ZMAT5: variants seen among roughly 807,000 people sequenced by gnomAD.
The protein encoded by ZMAT5 is zinc finger matrin-type 5.
Under a neutral mutation model 28.0 loss-of-function variants are expected in ZMAT5, and 23 were observed. The observed-to-expected ratio is 0.82, with a 90% confidence interval of 0.59 to 1.16. The LOEUF (loss-of-function observed/expected upper bound fraction) is 1.16. ZMAT5 is among the 50% of genes most tolerant of loss of function. The pLI, the probability that ZMAT5 is intolerant of heterozygous loss-of-function variation, is 0.00. For synonymous variants in ZMAT5, 76 were observed against 84.1 expected, an observed-to-expected ratio of 0.90 and a Z score of 0.52; for missense variants, 173 against 212.7, an observed-to-expected ratio of 0.81 and a Z score of 1.16.
intron 5 of ZMAT5, among the ~76,000 whole-genome samples, chr22:29,733,853 C>T (rs969549306): frequency 6.6e-6 from 1 of 152,238 alleles, no homozygotes; most frequent in African/African-American, 2.4e-5. Flanking sequence ...CAGGCATACC[C>T]AGTGCCTGCT....
At chr22:29,744,476 G>T (rs929399198) in intron 2 of ZMAT5, among the ~76,000 whole-genome samples, 3 of 151,996 alleles carry the variant, frequency 2.0e-5, no homozygotes, top group Admixed American at 6.6e-5. Context: ...ATCTGTTAGC[G>T]CCGGGCTTGT....
At chr22:29,759,276 G>T (rs780156313) in intron 1 of ZMAT5, among the ~76,000 whole-genome samples, 1 of 152,074 alleles carries the variant, frequency 6.6e-6, no homozygotes, top group Admixed American at 6.6e-5. Context: ...CTTCTCTCCC[G>T]AGTCTGGGCA....
intron 1 of ZMAT5, among the ~76,000 whole-genome samples, chr22:29,763,335 G>A (rs1197586442): frequency 8.8e-6 from 1 of 113,732 alleles, no homozygotes; most frequent in East Asian, 3.2e-4. Flanking sequence ...CAGGTGCGGT[G>A]GCTCACACCT....
intron 1 of ZMAT5, 108 bp from the exon 2 acceptor site, chr22:29,748,679 T>G: frequency 7.2e-7 from 1 of 1,387,258 alleles, no homozygotes; most frequent in Non-Finnish European, 9.8e-7. Context: ...TTTACTCATA[T>G]GCACCCCGCC....
intron 4 of ZMAT5, among the ~76,000 whole-genome samples, chr22:29,740,301 A>G (rs547661995): frequency 6.6e-6 from 1 of 152,116 alleles, no homozygotes; most frequent in African/African-American, 2.4e-5. Flanking sequence ...CTTGGTGCCA[A>G]GTGGGGACTG....
At chr22:29,736,647 G>C (rs2067906982) in intron 5 of ZMAT5, among the ~76,000 whole-genome samples, 1 of 148,480 alleles carries the variant, frequency 6.7e-6, no homozygotes, top group Non-Finnish European at 1.5e-5. Context: ...TTGAACCCAG[G>C]AGGCGGAGGT....
At chr22:29,750,665 GA>G (rs2068048013) in intron 1 of ZMAT5, among the ~76,000 whole-genome samples, 1 of 152,196 alleles carries the variant, frequency 6.6e-6, no homozygotes, top group African/African-American at 2.4e-5. Flanking sequence ...TCACTTCACA[GA>G]AAAGGTTCCT....
At chr22:29,733,058 T>C (rs929701007) in intron 5 of ZMAT5, among the ~76,000 whole-genome samples, 11 of 152,188 alleles carry the variant, frequency 7.2e-5, no homozygotes, top group Non-Finnish European at 1.6e-4. Context: ...CCCCATTTTA[T>C]AGATGAGGAA....
At chr22:29,748,046 G>A (rs1330017882) in intron 2 of ZMAT5, 2 of 343,724 alleles carry the variant, frequency 5.8e-6, no homozygotes, top group South Asian at 2.4e-5. Context: ...ATTCTCCCCT[G>A]GCCTGCTCCG....
intron 1 of ZMAT5, among the ~76,000 whole-genome samples, chr22:29,753,892 G>C (rs1030472104): frequency 1.3e-5 from 2 of 152,034 alleles, no homozygotes; most frequent in Non-Finnish European, 2.9e-5. Context: ...TAGAGCTCCT[G>C]AACCAAATGC....
rs148129729 is a variant in ZMAT5 at position 29,732,894 on chromosome 22, T to C, written c.384-1540A>G. 7.3e-3 allele frequency among the ~76,000 whole-genome samples: 1,107 copies of C among 152,028 alleles called. 11 individuals are homozygous for C. The highest frequency in any genetic ancestry group is 0.025 in the African/African-American group (1,052 of 41,472). On this transcript the variant is annotated intron_variant, in intron 5 of 5. Coordinates refer to ENST00000344318, the MANE Select transcript of ZMAT5 (RefSeq NM_001003692.2). ...TGTAGACCAGGGGATAGGGGTAAGG[T>C]GTATTTGTACCCCAAGGCGCAGGGC... is the stretch of plus-strand genomic sequence containing the variant.
At chr22:29,753,266 C>A (rs939119340) in intron 1 of ZMAT5, among the ~76,000 whole-genome samples, 1 of 152,222 alleles carries the variant, frequency 6.6e-6, no homozygotes, top group Non-Finnish European at 1.5e-5. Flanking sequence ...GTGGCTCACG[C>A]CCATAATCCC....
rs2232899 is a variant in ZMAT5 at position 29,740,759 on chromosome 22, G to C, written c.191-29C>G. On this transcript the variant is annotated intron_variant, in intron 3 of 5. Coordinates refer to ENST00000344318, the MANE Select transcript of ZMAT5 (RefSeq NM_001003692.2). ...CAGCAGGAAGACAGAGTTACTCGCTGCTCGGGAGGGGCTCCCCACAGGGGC... is the reference window on the plus strand; with the variant it reads ...CAGCAGGAAGACAGAGTTACTCGCTCCTCGGGAGGGGCTCCCCACAGGGGC... 891 of 1,566,848 alleles carry C rather than the reference G, an allele frequency of 5.7e-4. 4 individuals are homozygous for C. In the African/African-American group the frequency reaches 0.011, roughly 19 times the overall value.
chr22:29,734,445 G>C (rs530493032), intron 5 of ZMAT5, among the ~76,000 whole-genome samples: 29 of 152,190 alleles, frequency 1.9e-4, no homozygotes, highest in Non-Finnish European at 3.4e-4. Context: ...AGGAAGAGGG[G>C]GTCCCCCAGG....
At chr22:29,753,070 CTCTGCAT>C (rs1569339422) in intron 1 of ZMAT5, among the ~76,000 whole-genome samples, 1 of 152,098 alleles carries the variant, frequency 6.6e-6, no homozygotes, top group Non-Finnish European at 1.5e-5. Flanking sequence ...GACCAGCTAT[CTCTGCAT>C]TTCTGTGCCT....
chr22:29,737,529 C>T (rs761649464), intron 5 of ZMAT5, among the ~76,000 whole-genome samples: 5 of 152,212 alleles, frequency 3.3e-5, no homozygotes, highest in Non-Finnish European at 7.3e-5. Flanking sequence ...AGGTCTGAAG[C>T]CCGTTGCAAG....
intron 2 of ZMAT5, chr22:29,748,164 A>G: frequency 1.9e-6 from 1 of 516,846 alleles, no homozygotes; most frequent in South Asian, 2.0e-5. Flanking sequence ...GCTTTCCCCT[A>G]TTTTAGCTGT....
intron 1 of ZMAT5, among the ~76,000 whole-genome samples, chr22:29,761,742 A>G (rs1269293944): frequency 6.6e-6 from 1 of 152,208 alleles, no homozygotes; most frequent in East Asian, 1.9e-4. Flanking sequence ...TGTGATTCCT[A>G]TTTAAAATAC....
intron 3 of ZMAT5, among the ~76,000 whole-genome samples, chr22:29,741,672 A>G (rs1320539438): frequency 6.6e-6 from 1 of 152,190 alleles, no homozygotes; most frequent in African/African-American, 2.4e-5. Context: ...TAAAAGAGAC[A>G]GGGTCCTCAC....
Sources: gnomAD v4.1 joint callset for allele counts (sites outside exome capture counted in the v4.1 genomes callset) on GRCh38, gnomAD v4.1.1 for gene constraint, MANE v1.5 for transcripts, NCBI Gene and HGNC (gene_info 2026-07-23, HGNC 2026-07-21) for gene names.